NECAB1: variants seen among roughly 807,000 people sequenced by gnomAD.
NECAB1 encodes N-terminal EF-hand calcium binding protein 1, also known as N-terminal EF-hand calcium-binding protein 1.
In NECAB1, 29 loss-of-function variants were observed where a neutral mutation model predicts 57.5. The ratio of observed to expected loss-of-function variants is 0.50; its 90% CI spans 0.38 to 0.69. NECAB1 has a LOEUF of 0.69. Among genes scored for constraint, NECAB1 ranks in the 30% least tolerant of loss-of-function variants. The pLI, the probability that NECAB1 is intolerant of heterozygous loss-of-function variation, is 0.00. For missense variants in NECAB1, 372 were observed against 413.8 expected, an observed-to-expected ratio of 0.90 and a Z score of 0.88; for synonymous variants, 142 against 147.7, an observed-to-expected ratio of 0.96 and a Z score of 0.28.
intron 10 of NECAB1, among the ~76,000 whole-genome samples, chr8:90,947,351 C>CACACACACACAG (rs1342952213): frequency 0.037 from 4,615 of 125,170 alleles, 241 homozygotes; most frequent in East Asian, 0.095. Context: ...CACACACACA[C>CACACACACACAG]AATAAGCCAA....
chr8:90,922,053 C>A (rs561318766), intron 6 of NECAB1, among the ~76,000 whole-genome samples: 7 of 152,374 alleles, frequency 4.6e-5, no homozygotes, highest in African/African-American at 1.7e-4. Context: ...GGCAAACTGA[C>A]TAAATGTGAA....
chr8:90,939,490 C>G (rs534717336), intron 9 of NECAB1, among the ~76,000 whole-genome samples: 1 of 152,300 alleles, frequency 6.6e-6, no homozygotes, highest in Non-Finnish European at 1.5e-5. Context: ...TTTTTACAAT[C>G]CATCCCACTT....
intron 2 of NECAB1, among the ~76,000 whole-genome samples, chr8:90,814,147 A>C (rs979658471): frequency 4.6e-5 from 7 of 152,192 alleles, no homozygotes; most frequent in African/African-American, 1.7e-4. Flanking sequence ...GACAAGTTTC[A>C]AGGAGTACTA....
In NECAB1 at chr8:90,841,617, C is replaced by T. The variant is rs147950922; in HGVS notation, c.233+16792C>T. Among the ~76,000 whole-genome samples, 982 of 152,278 alleles carry T rather than the reference C, an allele frequency of 6.4e-3. 6 individuals carry two copies. The highest frequency in any genetic ancestry group is 0.022 in the African/African-American group (907 of 41,560). On this transcript the variant is annotated intron_variant, in intron 3 of 12. Transcript: ENST00000417640. Reference sequence around the variant, plus strand: ...TAAGAACTGTCATACCTGCTGGGGACTCTGCCTGCCTCTCTCCTCCTTAGG... The same window carrying T: ...TAAGAACTGTCATACCTGCTGGGGATTCTGCCTGCCTCTCTCCTCCTTAGG...
intron 5 of NECAB1, among the ~76,000 whole-genome samples, chr8:90,916,098 A>T (rs1458752355): frequency 6.6e-6 from 1 of 152,180 alleles, no homozygotes; most frequent in Non-Finnish European, 1.5e-5. Context: ...CTTCAATCCA[A>T]TCAAGTTTAC....
intron 3 of NECAB1, among the ~76,000 whole-genome samples, chr8:90,841,236 G>C (rs946261604): frequency 1.3e-5 from 2 of 150,992 alleles, no homozygotes; most frequent in African/African-American, 4.9e-5. Context: ...CTCCAGCCTA[G>C]GTGACAGAGC....
At chr8:90,806,576 T>A (rs1811850836) in intron 2 of NECAB1, 1 of 152,214 alleles carries the variant, frequency 6.6e-6, no homozygotes, top group African/African-American at 2.4e-5. Context: ...TACATTGTCT[T>A]CAATCATTAT....
chr8:90,813,254 CACACACACACACACACACTT>C (rs1811999121), intron 2 of NECAB1: 2 of 126,554 alleles, frequency 1.6e-5, no homozygotes, highest in Admixed American at 8.9e-5. Context: ...CACACACACA[CACACACACACACACACACTT>C]GTATAAGCAG....
At chr8:90,921,951 G>C (rs990596225) in intron 6 of NECAB1, among the ~76,000 whole-genome samples, 10 of 152,202 alleles carry the variant, frequency 6.6e-5, no homozygotes, top group Non-Finnish European at 1.2e-4. Flanking sequence ...ATGTAAAAAT[G>C]GATATTTGAG....
chr8:90,928,732 T>C lies in NECAB1; in HGVS notation c.693+433T>C, dbSNP rs185980744. Reference sequence around the variant, plus strand: ...AATTCAGGAAAATGGCAGTGCTATCTACTAAAAGATGAGATTCCACACTCA... The same window carrying C: ...AATTCAGGAAAATGGCAGTGCTATCCACTAAAAGATGAGATTCCACACTCA... On this transcript the variant is annotated intron_variant, in intron 8 of 12. Coordinates refer to ENST00000417640, the MANE Select transcript of NECAB1 (RefSeq NM_022351.5). Among the ~76,000 whole-genome samples, 273 of 152,326 alleles carry C rather than the reference T, an allele frequency of 1.8e-3. 1 individual carries two copies. The highest frequency in any genetic ancestry group is 3.2e-3 in the Non-Finnish European group (215 of 68,018).
At chr8:90,942,310 C>G (rs1350540501) in intron 10 of NECAB1, among the ~76,000 whole-genome samples, 4 of 152,314 alleles carry the variant, frequency 2.6e-5, no homozygotes, top group Non-Finnish European at 5.9e-5. Flanking sequence ...GCGTTTACTA[C>G]TGTTTCCTGG....
chr8:90,828,057 T>C (rs2129714888), intron 3 of NECAB1, among the ~76,000 whole-genome samples: 1 of 152,114 alleles, frequency 6.6e-6, no homozygotes, highest in South Asian at 2.1e-4. Flanking sequence ...TTTTAGTCAC[T>C]TATTTCTTTA....
Position 90,881,083 on chromosome 8 carries a change from G to A in NECAB1, c.310G>A (p.Glu104Lys). ...GEYENVLAAL[E>K]DLNLSILKAM... ...GTATGAGAATGTACTAGCAGCACTT[G>A]AAGACCTGAATCTTTCCATCCTGAA... The change falls in exon 5 of 13, where the codon GAA (glutamate) becomes AAA (lysine). Residue 104 changes from glutamate (E) to lysine (K), a missense_variant. By Grantham distance (56) the Glu-to-Lys change is moderately conservative. Transcript: ENST00000417640. 6.2e-7 allele frequency: 1 copy of A among 1,608,038 alleles called. No individual in the cohort carries two copies. Among genetic ancestry groups the A allele is most frequent in the Non-Finnish European group, 8.5e-7 (1 of 1,177,084 alleles).
At chr8:90,797,550 C>T (rs1195560189) in intron 1 of NECAB1, among the ~76,000 whole-genome samples, 1 of 152,126 alleles carries the variant, frequency 6.6e-6, no homozygotes, top group Admixed American at 6.5e-5. Context: ...GGTTATTTAA[C>T]TATAACTACA....
intron 8 of NECAB1, among the ~76,000 whole-genome samples, chr8:90,931,929 A>ATG (rs59313256): frequency 7.9e-5 from 12 of 151,406 alleles, no homozygotes; most frequent in African/African-American, 2.7e-4. Flanking sequence ...AATAAAATAA[A>ATG]CAAAAATAAA....
Position 90,956,497 on chromosome 8 carries a change from A to G in NECAB1, c.*985A>G, listed in dbSNP as rs1586156489. On this transcript the variant is annotated 3_prime_UTR_variant, in exon 13 of 13. Transcript: ENST00000417640. ...TTTCAACACTAGAATGACTAAAACT[A>G]TCTACCTATAGAACTATCTGTAGAT... 6.6e-6 allele frequency: 1 copy of G among 152,078 alleles called. No homozygotes were observed. Among genetic ancestry groups the G allele is most frequent in the South Asian group, 2.1e-4 (1 of 4,828 alleles). The allele number at this position is 152,078 out of a possible 1,614,324, so 9.4% of individuals were successfully genotyped here.
intron 8 of NECAB1, among the ~76,000 whole-genome samples, chr8:90,933,629 ATACTG>A: frequency 6.6e-6 from 1 of 152,136 alleles, no homozygotes; most frequent in African/African-American, 2.4e-5. Context: ...GGTTCAGTGT[ATACTG>A]TTCAGGTGAC....
At chr8:90,892,322 A>G (rs1434902025) in intron 5 of NECAB1, among the ~76,000 whole-genome samples, 2 of 152,190 alleles carry the variant, frequency 1.3e-5, no homozygotes, top group South Asian at 2.1e-4. Flanking sequence ...CATTCAGTCA[A>G]ATATGAGCAT....
chr8:90,850,007 T>C (rs1325564238), intron 3 of NECAB1, among the ~76,000 whole-genome samples: 1 of 152,202 alleles, frequency 6.6e-6, no homozygotes, highest in Non-Finnish European at 1.5e-5. Flanking sequence ...AAGGAAAGAA[T>C]AATTCAATAT....
Sources: allele counts gnomAD v4.1 joint callset (sites outside exome capture counted in the v4.1 genomes callset), GRCh38; gene constraint gnomAD v4.1.1; transcripts MANE v1.5; gene names NCBI Gene and HGNC (gene_info 2026-07-23, HGNC 2026-07-21).